The following PTN variants were observed in gnomAD, a reference collection of about 807,000 sequenced individuals.
PTN encodes the protein heparin affin regulatory protein.
Under a neutral mutation model 24.1 loss-of-function variants are expected in PTN, and 18 were observed. That is an observed-to-expected ratio of 0.75 (90% CI 0.52 to 1.11). The LOEUF is 1.11. Ranked by LOEUF, PTN falls within the 50% of genes least tolerant of loss-of-function variation. PTN has a pLI of 0.00. For missense variants in PTN, 163 were observed against 198.8 expected (o/e 0.82, Z 1.08); for synonymous variants, 78 against 68.6 (o/e 1.14, Z -0.67).
rs558745384 is a variant in PTN at position 137,242,131 on chromosome 7, A to G, written c.451+9099T>C. Among the ~76,000 whole-genome samples, 5 of 152,320 alleles carry G rather than the reference A, an allele frequency of 3.3e-5. No homozygotes were observed. The East Asian group carries it at 9.6e-4, about 29-fold the overall frequency. The stretch of plus-strand genomic sequence containing the variant: ...TGGGGAGAGAATTGAGAATGCTGGG[A>G]ATATCACTTTCCTGACCCCTTTTTT... On this transcript the variant is annotated intron_variant, in intron 4 of 4. Transcript: ENST00000348225.
chr7:137,238,721 G>A (rs1375144650), intron 4 of PTN, among the ~76,000 whole-genome samples: 1 of 152,112 alleles, frequency 6.6e-6, no homozygotes, highest in African/African-American at 2.4e-5. Context: ...ACCTTAGTGT[G>A]TTATTTTGTA....
At chr7:137,233,502 G>C (rs1167340502) in intron 4 of PTN, among the ~76,000 whole-genome samples, 3 of 151,922 alleles carry the variant, frequency 2.0e-5, no homozygotes, top group African/African-American at 4.8e-5. Context: ...AGGGTATAAA[G>C]GTGAACAAGA....
chr7:137,305,332 A>C (rs1324046254), intron 1 of PTN, among the ~76,000 whole-genome samples: 1 of 152,024 alleles, frequency 6.6e-6, no homozygotes, highest in Non-Finnish European at 1.5e-5. Context: ...AGATTAGTAC[A>C]CCAAAGCATT....
chr7:137,234,994 A>C lies in PTN; in HGVS notation c.452-6919T>G, dbSNP rs560174612. 2.0e-5 allele frequency among the ~76,000 whole-genome samples: 3 copies of C among 152,196 alleles called. No individual in the cohort carries two copies. In the East Asian group the frequency reaches 5.8e-4, roughly 29 times the overall value. On this transcript the variant is annotated intron_variant, in intron 4 of 4. Coordinates refer to ENST00000348225, the MANE Select transcript of PTN (RefSeq NM_002825.7). The stretch of plus-strand genomic sequence containing the variant: ...CTAAGAGATAGAATTCATTTTAGCT[A>C]AAAGAAGCTAAAATCATTCAGAAAT...
intron 4 of PTN, among the ~76,000 whole-genome samples, chr7:137,234,073 T>C (rs968247046): frequency 6.6e-5 from 10 of 151,988 alleles, no homozygotes; most frequent in African/African-American, 2.4e-4. Context: ...ATGTTTTCTT[T>C]CTATGACTTT....
chr7:137,227,933 GA>G lies in PTN; in HGVS notation c.*86del. On this transcript the variant is annotated 3_prime_UTR_variant, in exon 5 of 5. Transcript: ENST00000348225. ...GTGTACTTAGCTATAGATAATTTTT[GA>G]ATACAAAGCCTACGGTACATATAAA... is the stretch of plus-strand genomic sequence containing the variant. 1 of 1,507,618 alleles carries G rather than the reference GA, an allele frequency of 6.6e-7. No individual in the cohort carries two copies. The highest frequency in any genetic ancestry group is 8.8e-7 in the Non-Finnish European group (1 of 1,131,282). The allele number at this position is 1,507,618 out of a possible 1,614,324, so 93.4% of individuals were successfully genotyped here.
chr7:137,245,608 G>T (rs11772540), intron 4 of PTN, among the ~76,000 whole-genome samples: 1 of 150,636 alleles, frequency 6.6e-6, no homozygotes, highest in Admixed American at 6.6e-5. Flanking sequence ...CTTCTTCTTA[G>T]TAAAAAAAAA....
intron 1 of PTN, among the ~76,000 whole-genome samples, chr7:137,293,031 T>C (rs1809665235): frequency 6.6e-6 from 1 of 152,208 alleles, no homozygotes. Context: ...TTTACCCACA[T>C]GCATATTCAT....
At chr7:137,268,095 G>A (rs1809192483) in intron 1 of PTN, among the ~76,000 whole-genome samples, 1 of 152,068 alleles carries the variant, frequency 6.6e-6, no homozygotes, top group South Asian at 2.1e-4. Context: ...TGAGACGTCC[G>A]GACTCCAAGT....
chr7:137,260,462 A>G (rs925052362), intron 1 of PTN, among the ~76,000 whole-genome samples: 7 of 152,068 alleles, frequency 4.6e-5, no homozygotes, highest in Non-Finnish European at 8.8e-5. Flanking sequence ...ATTTATTTGT[A>G]TTATTTGAAG....
chr7:137,288,073 T>G (rs1360731351), intron 1 of PTN, among the ~76,000 whole-genome samples: 4 of 152,180 alleles, frequency 2.6e-5, no homozygotes. Context: ...TCCAGGGTTT[T>G]GGGGTCAGGT....
intron 1 of PTN, among the ~76,000 whole-genome samples, chr7:137,262,998 T>C (rs1040456954): frequency 1.3e-5 from 2 of 152,200 alleles, no homozygotes; most frequent in Non-Finnish European, 2.9e-5. Flanking sequence ...TCGTCCCTCA[T>C]TTCCCCCCTT....
intron 1 of PTN, among the ~76,000 whole-genome samples, chr7:137,291,777 C>A (rs1294343766): frequency 6.6e-6 from 1 of 152,164 alleles, no homozygotes; most frequent in Non-Finnish European, 1.5e-5. Flanking sequence ...TTACTTTCTC[C>A]TTCATATACT....
intron 4 of PTN, among the ~76,000 whole-genome samples, chr7:137,243,862 G>A (rs559025210): frequency 3.1e-4 from 47 of 152,258 alleles, no homozygotes; most frequent in African/African-American, 1.1e-3. Context: ...GTTTCTGCTA[G>A]ATCAGTGACA....
intron 1 of PTN, 141 bp from the exon 2 acceptor site, chr7:137,255,115 T>C: frequency 1.9e-6 from 1 of 521,980 alleles, no homozygotes; most frequent in East Asian, 3.0e-5. Context: ...TTATCTTGGG[T>C]AGAATTTTAT....
intron 1 of PTN, among the ~76,000 whole-genome samples, chr7:137,257,685 A>T (rs1808958348): frequency 6.6e-6 from 1 of 152,214 alleles, no homozygotes; most frequent in Non-Finnish European, 1.5e-5. Context: ...GAACTTTTAA[A>T]TTACAATATA....
At chr7:137,302,201 T>C (rs1809816885) in intron 1 of PTN, among the ~76,000 whole-genome samples, 2 of 152,016 alleles carry the variant, frequency 1.3e-5, no homozygotes, top group South Asian at 4.1e-4. Context: ...ACAGGACAGC[T>C]TGTGTTATCC....
At chr7:137,264,465 G>A (rs780866867) in intron 1 of PTN, among the ~76,000 whole-genome samples, 4 of 152,142 alleles carry the variant, frequency 2.6e-5, no homozygotes, top group African/African-American at 7.2e-5. Flanking sequence ...GTCAGCTTCC[G>A]GGTGTGACTG....
intron 1 of PTN, among the ~76,000 whole-genome samples, chr7:137,319,708 C>T (rs1477149163): frequency 6.6e-6 from 1 of 152,204 alleles, no homozygotes; most frequent in African/African-American, 2.4e-5. Flanking sequence ...GACAAACTGC[C>T]AAGGCTTGGA....
Sources: allele counts gnomAD v4.1 joint callset (sites outside exome capture counted in the v4.1 genomes callset), GRCh38; gene constraint gnomAD v4.1.1; transcripts MANE v1.5; gene names NCBI Gene and HGNC (gene_info 2026-07-23, HGNC 2026-07-21).